PLD5: variants seen among roughly 807,000 people sequenced by gnomAD.
The protein encoded by PLD5 is inactive phospholipase D5.
In PLD5, 36 loss-of-function variants were observed where a neutral mutation model predicts 61.1. The ratio of observed to expected loss-of-function variants is 0.59; its 90% CI spans 0.45 to 0.78. The LOEUF is 0.78. Ranked by LOEUF, PLD5 falls within the 30% of genes least tolerant of loss-of-function variation. The probability of loss-of-function intolerance (pLI) is 0.00; values close to 1 mark genes in which losing one functional copy is unlikely to be tolerated. For missense variants in PLD5, 515 were observed against 644.4 expected, an observed-to-expected ratio of 0.80 and a Z score of 2.17; for synonymous variants, 243 against 242.8, an observed-to-expected ratio of 1.00 and a Z score of -0.01.
chr1:242,155,619 C>T (rs971256980), intron 5 of PLD5, among the ~76,000 whole-genome samples: 12 of 152,006 alleles, frequency 7.9e-5, no homozygotes, highest in African/African-American at 2.4e-4. Context: ...CCAGTAGTCA[C>T]TCAGGAGCAG....
chr1:242,108,055 G>A (rs554202558), intron 7 of PLD5, among the ~76,000 whole-genome samples: 3 of 152,198 alleles, frequency 2.0e-5, no homozygotes, highest in Non-Finnish European at 2.9e-5. Flanking sequence ...CTAAAAGGAG[G>A]TTTCCTACCA....
At chr1:242,388,859 G>A (rs754144973) in intron 1 of PLD5, among the ~76,000 whole-genome samples, 7 of 152,130 alleles carry the variant, frequency 4.6e-5, no homozygotes, top group Admixed American at 3.9e-4. Flanking sequence ...AGGAGCCTGA[G>A]GCAGAGAATT....
chr1:242,526,128 C>T (rs1313421407), upstream of PLD5, among the ~76,000 whole-genome samples: 1 of 152,166 alleles, frequency 6.6e-6, no homozygotes, highest in Non-Finnish European at 1.5e-5. Flanking sequence ...GAAGGCCAGG[C>T]GGAGTGGCTC....
At chr1:242,502,564 T>C (rs897294298) in intron 1 of PLD5, among the ~76,000 whole-genome samples, 22 of 152,226 alleles carry the variant, frequency 1.4e-4, no homozygotes, top group African/African-American at 4.8e-4. Context: ...TTGCATTTTT[T>C]CAAATCATTT....
intron 1 of PLD5, among the ~76,000 whole-genome samples, chr1:242,399,292 G>A (rs1663787454): frequency 6.6e-6 from 1 of 152,162 alleles, no homozygotes. Context: ...AGCGTGAGTA[G>A]AGAGAATTTA....
At chr1:242,257,810 G>C (rs539670248) in intron 4 of PLD5, among the ~76,000 whole-genome samples, 23 of 152,170 alleles carry the variant, frequency 1.5e-4, no homozygotes, top group Non-Finnish European at 3.2e-4. Flanking sequence ...AGCACCTAGT[G>C]ACAGAGTTTA....
chr1:242,247,228 C>G (rs1258955827), intron 4 of PLD5, among the ~76,000 whole-genome samples: 1 of 152,120 alleles, frequency 6.6e-6, no homozygotes, highest in South Asian at 2.1e-4. Context: ...GTGATCCGCC[C>G]GCCTCGGCCT....
intron 5 of PLD5, among the ~76,000 whole-genome samples, chr1:242,212,459 G>C (rs1312718720): frequency 6.6e-6 from 1 of 152,232 alleles, no homozygotes; most frequent in East Asian, 1.9e-4. Flanking sequence ...AGGGAGGCTT[G>C]CAGACCTGGA....
intron 1 of PLD5, among the ~76,000 whole-genome samples, chr1:242,407,422 T>C (rs1664292090): frequency 1.3e-5 from 2 of 152,208 alleles, no homozygotes; most frequent in East Asian, 1.9e-4. Flanking sequence ...TTATAGTCTA[T>C]ACAAAAATTC....
intron 1 of PLD5, among the ~76,000 whole-genome samples, chr1:242,447,997 G>C (rs1479258010): frequency 3.9e-5 from 6 of 152,170 alleles, no homozygotes; most frequent in African/African-American, 1.2e-4. Flanking sequence ...GAAGCACTCA[G>C]AGTCCCATTT....
intron 1 of PLD5, among the ~76,000 whole-genome samples, chr1:242,479,562 A>G (rs887053435): frequency 2.0e-5 from 3 of 152,218 alleles, no homozygotes; most frequent in Non-Finnish European, 4.4e-5. Context: ...AAGACATACT[A>G]TATGGAGAGC....
rs183748032 is a variant in PLD5, at chr1:242,465,978, G to C, written c.189+58110C>G. 2.3e-3 allele frequency among the ~76,000 whole-genome samples: 350 copies of C among 152,244 alleles called. 7 individuals carry two copies. Among genetic ancestry groups the C allele is most frequent in the Non-Finnish European group, 4.3e-4 (29 of 68,020 alleles). On this transcript the variant is annotated intron_variant, in intron 1 of 9. Transcript: ENST00000536534. ...CCAGGCACATCCTTACCCAGTCTCA[G>C]ATGCTCTTCCTCTGGAAAACCACTT...
At chr1:242,325,642 GC>G (rs1419578272) in intron 2 of PLD5, among the ~76,000 whole-genome samples, 2 of 151,984 alleles carry the variant, frequency 1.3e-5, no homozygotes, top group African/African-American at 4.8e-5. Context: ...TTTCATGCTG[GC>G]AAGCATGGAC....
chr1:242,529,734 C>T, the PLD5 span, among the ~76,000 whole-genome samples: 1 of 151,490 alleles, frequency 6.6e-6, no homozygotes, highest in African/African-American at 2.4e-5. Context: ...GTCGAGGGTC[C>T]CAATTTACTT....
chr1:242,119,226 G>T (rs894799404), intron 6 of PLD5, among the ~76,000 whole-genome samples: 1 of 151,966 alleles, frequency 6.6e-6, no homozygotes, highest in Non-Finnish European at 1.5e-5. Flanking sequence ...ACCTTAGCAG[G>T]TTTTTAATTA....
intron 1 of PLD5, among the ~76,000 whole-genome samples, chr1:242,499,972 A>G (rs534258234): frequency 6.6e-6 from 1 of 152,196 alleles, no homozygotes; most frequent in Admixed American, 6.5e-5. Flanking sequence ...GGCTGACCAC[A>G]GTGCTTACCT....
At chr1:242,351,771 C>A (rs1462091866) in intron 1 of PLD5, among the ~76,000 whole-genome samples, 1 of 152,172 alleles carries the variant, frequency 6.6e-6, no homozygotes, top group Non-Finnish European at 1.5e-5. Context: ...GGCTTGATTA[C>A]ATATTTTGGT....
chr1:242,124,930 C>T (rs990784223), intron 5 of PLD5, among the ~76,000 whole-genome samples: 9 of 152,144 alleles, frequency 5.9e-5, no homozygotes, highest in African/African-American at 2.2e-4. Flanking sequence ...ATACTTTTCA[C>T]ATCAGCTCTT....
intron 1 of PLD5, among the ~76,000 whole-genome samples, chr1:242,520,073 C>A (rs1669230394): frequency 6.6e-6 from 1 of 152,160 alleles, no homozygotes; most frequent in African/African-American, 2.4e-5. Flanking sequence ...TAGCTGGATC[C>A]CCTTGTGCTA....
Sources: allele counts gnomAD v4.1 joint callset (sites outside exome capture counted in the v4.1 genomes callset), GRCh38; gene constraint gnomAD v4.1.1; transcripts MANE v1.5; gene names NCBI Gene and HGNC (gene_info 2026-07-23, HGNC 2026-07-21).